The following CDH22 variants were observed in gnomAD, a reference collection of about 807,000 sequenced individuals.
The protein encoded by CDH22 is cadherin-22.
Under a neutral mutation model 58.4 loss-of-function variants are expected in CDH22, and 30 were observed. That is an observed-to-expected ratio of 0.51 (90% CI 0.38 to 0.70). The LOEUF (loss-of-function observed/expected upper bound fraction) is 0.70, where lower values mean the gene tolerates loss of function less well. Among genes scored for constraint, CDH22 ranks in the 30% least tolerant of loss-of-function variants. The probability of loss-of-function intolerance (pLI) is 0.00; values close to 1 mark genes in which losing one functional copy is unlikely to be tolerated. For missense variants in CDH22, 1,014 were observed against 1,233.9 expected (o/e 0.82, Z 2.67); for synonymous variants, 513 against 558.2 (o/e 0.92, Z 1.14).
intron 1 of CDH22, among the ~76,000 whole-genome samples, chr20:46,256,228 A>G (rs2086406047): frequency 6.6e-6 from 1 of 152,228 alleles, no homozygotes; most frequent in South Asian, 2.1e-4. Flanking sequence ...GGCACAGACA[A>G]TAAACAAATA....
intron 6 of CDH22, among the ~76,000 whole-genome samples, 178 bp downstream of exon 6, chr20:46,212,817 A>G (rs539499193): frequency 6.6e-6 from 1 of 152,286 alleles, no homozygotes; most frequent in South Asian, 2.1e-4. Flanking sequence ...TCACCTCTCT[A>G]TGCCTGGTTT....
intron 4 of CDH22, among the ~76,000 whole-genome samples, chr20:46,223,002 G>C (rs565282203): frequency 6.6e-6 from 1 of 152,336 alleles, no homozygotes; most frequent in East Asian, 1.9e-4. Flanking sequence ...ATGGCACCAG[G>C]GCAGCTCTTG....
chr20:46,209,898 A>T (rs1185749026), intron 7 of CDH22: 13 of 177,624 alleles, frequency 7.3e-5, no homozygotes, highest in Non-Finnish European at 5.8e-5. Flanking sequence ...CTAGCGGAAC[A>T]CCAAGGGAGA....
chr20:46,266,194 C>A (rs1417988632), intron 1 of CDH22, among the ~76,000 whole-genome samples: 2 of 152,200 alleles, frequency 1.3e-5, no homozygotes, highest in Non-Finnish European at 2.9e-5. Context: ...CACATCCTGT[C>A]TCTACTGTAG....
chr20:46,188,819 C>A (rs371013430), intron 8 of CDH22, among the ~76,000 whole-genome samples: 1 of 152,148 alleles, frequency 6.6e-6, no homozygotes, highest in African/African-American at 2.4e-5. Context: ...TCATTACTGA[C>A]ATGTTCCACC....
intron 2 of CDH22, among the ~76,000 whole-genome samples, chr20:46,246,956 G>A (rs2086334114): frequency 1.3e-5 from 2 of 151,006 alleles, no homozygotes; most frequent in South Asian, 2.1e-4. Context: ...TCGTACATAC[G>A]AGGGACTCAG....
chr20:46,267,318 G>A (rs571905565), intron 1 of CDH22, among the ~76,000 whole-genome samples: 39 of 152,278 alleles, frequency 2.6e-4, no homozygotes, highest in Non-Finnish European at 4.9e-4. Flanking sequence ...GCCCAGCCCC[G>A]AGCCAACTGC....
chr20:46,248,267 A>G (rs1293577821), intron 2 of CDH22, among the ~76,000 whole-genome samples: 1 of 152,176 alleles, frequency 6.6e-6, no homozygotes, highest in Non-Finnish European at 1.5e-5. Flanking sequence ...TGAAGGCGTG[A>G]GTCAGCAGCC....
chr20:46,214,776 G>A (rs2086071129), intron 5 of CDH22, among the ~76,000 whole-genome samples: 1 of 152,180 alleles, frequency 6.6e-6, no homozygotes, highest in African/African-American at 2.4e-5. Flanking sequence ...CTCTGCTCCT[G>A]TGCTCCCTTG....
intron 3 of CDH22, among the ~76,000 whole-genome samples, chr20:46,230,086 G>A (rs139091399): frequency 6.6e-6 from 1 of 152,216 alleles, no homozygotes; most frequent in Non-Finnish European, 1.5e-5. Flanking sequence ...GCTTCCTTGG[G>A]CCACACACCC....
At chr20:46,231,181 T>C (rs1284848368) in intron 3 of CDH22, among the ~76,000 whole-genome samples, 11 of 152,154 alleles carry the variant, frequency 7.2e-5, no homozygotes, top group African/African-American at 2.2e-4. Context: ...AAGTGGTGGT[T>C]AAGGGCCTAG....
chr20:46,186,666 G>A lies in CDH22; in HGVS notation c.1585C>T (p.Gln529Ter), dbSNP rs980422734. 2 of 1,613,736 alleles carry A rather than the reference G, an allele frequency of 1.2e-6. No homozygotes were observed. The highest frequency in any genetic ancestry group is 2.7e-5 in the African/African-American group (2 of 74,906). The change falls in exon 10 of 12, where the codon CAA becomes TAA. Residue 529 changes from glutamine to a stop codon, truncating the protein, a stop_gained. Coordinates refer to ENST00000537909, the MANE Select transcript of CDH22 (RefSeq NM_021248.3). LOFTEE classifies it high-confidence loss of function. ...TISVVDRDEP[Q>*]GGHRFYFRLV... ...CGGAAATAGAAGCGGTGCCCGCCTTGGGGCTCGTCTCTGTCCACCACGCTG... is the reference window on the plus strand; with the variant it reads ...CGGAAATAGAAGCGGTGCCCGCCTTAGGGCTCGTCTCTGTCCACCACGCTG...
At chr20:46,238,441 C>A (rs2086268813) in intron 3 of CDH22, among the ~76,000 whole-genome samples, 1 of 152,172 alleles carries the variant, frequency 6.6e-6, no homozygotes. Flanking sequence ...TTGATAATAT[C>A]CAAATTTATC....
At position 46,253,589 on chromosome 20, in the gene CDH22, G is replaced by A. The variant is rs547678262; in HGVS notation, c.-399-1896C>T. Among the ~76,000 whole-genome samples the A allele has an allele frequency of 7.9e-5, 12 of 152,308 alleles. No individual in the cohort carries two copies. The East Asian group carries it at 2.3e-3, about 29-fold the overall frequency. ...CTGGCAGCCCTGCTCCGCAAGCCCT[G>A]CTCTGTGCTGCCACCTCCAGGGATC... is the stretch of plus-strand genomic sequence containing the variant. On this transcript the variant is annotated intron_variant, in intron 1 of 11. Coordinates refer to ENST00000537909, the MANE Select transcript of CDH22 (RefSeq NM_021248.3).
chr20:46,176,460 CTT>C (rs975135124), intron 11 of CDH22, among the ~76,000 whole-genome samples: 3 of 152,290 alleles, frequency 2.0e-5, no homozygotes, highest in African/African-American at 7.2e-5. Context: ...TTCTAAGTCT[CTT>C]TTGTTGAGTG....
rs141803540 is a variant in CDH22, at chr20:46,267,952, A to G, written c.-399-16259T>C. On this transcript the variant is annotated intron_variant, in intron 1 of 11. Transcript: ENST00000537909. Reference sequence around the variant, plus strand: ...CGTGGAGGGAGAAGTTGAACTGTGAAGCTCTCTCAGCAGGGGCCTCAGCTG... The same window carrying G: ...CGTGGAGGGAGAAGTTGAACTGTGAGGCTCTCTCAGCAGGGGCCTCAGCTG... Among the ~76,000 whole-genome samples the G allele has an allele frequency of 7.9e-3, 1,205 of 152,340 alleles. 17 individuals carry two copies. The highest frequency in any genetic ancestry group is 0.025 in the Admixed American group (376 of 15,308).
chr20:46,306,151 C>T (rs1443470694), intron 1 of CDH22, among the ~76,000 whole-genome samples: 3 of 152,276 alleles, frequency 2.0e-5, no homozygotes. Context: ...TTGAACACCT[C>T]ATGCTGAATT....
chr20:46,290,443 C>T (rs1028399245), intron 1 of CDH22, among the ~76,000 whole-genome samples: 4 of 152,198 alleles, frequency 2.6e-5, no homozygotes, highest in African/African-American at 9.6e-5. Context: ...AAGAATTATC[C>T]AGCCCCAAAT....
At chr20:46,261,970 G>A (rs145021209) in intron 1 of CDH22, among the ~76,000 whole-genome samples, 97 of 152,236 alleles carry the variant, frequency 6.4e-4, no homozygotes, top group African/African-American at 2.1e-3. Context: ...CATGTGTGTG[G>A]CTGAACACAT....
Sources: gnomAD v4.1 joint callset for allele counts (sites outside exome capture counted in the v4.1 genomes callset) on GRCh38, gnomAD v4.1.1 for gene constraint, MANE v1.5 for transcripts, NCBI Gene and HGNC (gene_info 2026-07-23, HGNC 2026-07-21) for gene names.